KCNIP4: variants seen among roughly 807,000 people sequenced by gnomAD.
KCNIP4 encodes Kv channel-interacting protein 4.
Under a neutral mutation model 34.0 loss-of-function variants are expected in KCNIP4, and 12 were observed. That is an observed-to-expected ratio of 0.35 (90% CI 0.23 to 0.57). KCNIP4 has a LOEUF of 0.57. Among genes scored for constraint, KCNIP4 ranks in the 20% least tolerant of loss-of-function variants. The probability of loss-of-function intolerance (pLI) is 0.83; values close to 1 mark genes in which losing one functional copy is unlikely to be tolerated. For missense variants in KCNIP4, 238 were observed against 311.7 expected, an observed-to-expected ratio of 0.76 and a Z score of 1.78; for synonymous variants, 124 against 102.2, an observed-to-expected ratio of 1.21 and a Z score of -1.29.
At chr4:21,353,003 C>T (rs1181399064) in intron 1 of KCNIP4, among the ~76,000 whole-genome samples, 12 of 152,186 alleles carry the variant, frequency 7.9e-5, no homozygotes, top group Admixed American at 7.9e-4. Flanking sequence ...CCCAGGCAAA[C>T]AGGGTCTGAA....
intron 1 of KCNIP4, among the ~76,000 whole-genome samples, chr4:21,577,386 T>G (rs1740825878): frequency 6.6e-6 from 1 of 152,074 alleles, no homozygotes; most frequent in African/African-American, 2.4e-5. Flanking sequence ...TCCCAGCACT[T>G]TTGGAGGCTG....
chr4:20,979,844 T>C (rs181388447), intron 1 of KCNIP4, among the ~76,000 whole-genome samples: 6 of 152,334 alleles, frequency 3.9e-5, no homozygotes, highest in African/African-American at 1.4e-4. Flanking sequence ...TGTGCACTTC[T>C]AGTGTTGAAC....
intron 1 of KCNIP4, among the ~76,000 whole-genome samples, chr4:21,301,053 G>A (rs1423605082): frequency 6.6e-6 from 1 of 151,890 alleles, no homozygotes; most frequent in Non-Finnish European, 1.5e-5. Flanking sequence ...GTAACTCTTG[G>A]GTTATAAACA....
intron 1 of KCNIP4, among the ~76,000 whole-genome samples, chr4:21,946,718 T>C (rs1730531430): frequency 6.6e-6 from 1 of 152,196 alleles, no homozygotes; most frequent in Non-Finnish European, 1.5e-5. Flanking sequence ...GTGAATACAA[T>C]TCAAGAAACA....
At chr4:20,877,319 A>G (rs1445631580) in intron 2 of KCNIP4, among the ~76,000 whole-genome samples, 2 of 152,220 alleles carry the variant, frequency 1.3e-5, no homozygotes, top group Non-Finnish European at 2.9e-5. Flanking sequence ...AATGTTTCAT[A>G]GCCTTATTGG....
At chr4:20,929,888 A>G (rs1317234726) in intron 1 of KCNIP4, among the ~76,000 whole-genome samples, 1 of 152,044 alleles carries the variant, frequency 6.6e-6, no homozygotes, top group South Asian at 2.1e-4. Context: ...TATAAATAGA[A>G]TAATATTCTG....
chr4:21,170,631 G>T (rs1753957641), intron 1 of KCNIP4, among the ~76,000 whole-genome samples: 1 of 152,174 alleles, frequency 6.6e-6, no homozygotes, highest in African/African-American at 2.4e-5. Flanking sequence ...AGAGAAACCT[G>T]AATTGAATTA....
chr4:21,331,837 G>A (rs1382842326), intron 1 of KCNIP4, among the ~76,000 whole-genome samples: 1 of 151,818 alleles, frequency 6.6e-6, no homozygotes, highest in Non-Finnish European at 1.5e-5. Context: ...CTAGAATATG[G>A]GATGTTTCAT....
At chr4:21,142,502 G>T (rs950111513) in intron 1 of KCNIP4, among the ~76,000 whole-genome samples, 1 of 152,174 alleles carries the variant, frequency 6.6e-6, no homozygotes, top group Admixed American at 6.5e-5. Flanking sequence ...TGGGGGCTCT[G>T]TAGTGAAGAT....
intron 1 of KCNIP4, among the ~76,000 whole-genome samples, chr4:21,461,972 A>C (rs1035822910): frequency 6.6e-6 from 1 of 152,070 alleles, no homozygotes; most frequent in Non-Finnish European, 1.5e-5. Flanking sequence ...CAATATATGT[A>C]TATAATGCAT....
intron 1 of KCNIP4, among the ~76,000 whole-genome samples, chr4:21,869,179 C>T (rs1725611145): frequency 6.6e-6 from 1 of 152,032 alleles, no homozygotes; most frequent in Non-Finnish European, 1.5e-5. Flanking sequence ...GGGGAGGGAG[C>T]CTCGATTTTC....
At chr4:21,401,285 A>C (rs1723535812) in intron 1 of KCNIP4, among the ~76,000 whole-genome samples, 2 of 152,230 alleles carry the variant, frequency 1.3e-5, no homozygotes, top group Admixed American at 1.3e-4. Context: ...ATTCTCCATC[A>C]GTCTAGAATA....
intron 2 of KCNIP4, among the ~76,000 whole-genome samples, chr4:20,866,887 G>A (rs1192922857): frequency 1.3e-5 from 2 of 151,924 alleles, no homozygotes; most frequent in East Asian, 1.9e-4. Context: ...AAGTGAAATC[G>A]AGAACACAGT....
chr4:21,534,325 G>A (rs1423576919), intron 1 of KCNIP4, among the ~76,000 whole-genome samples: 1 of 152,098 alleles, frequency 6.6e-6, no homozygotes, highest in Non-Finnish European at 1.5e-5. Context: ...GTAATATCTT[G>A]TTCTTTAAAT....
chr4:21,682,855 T>C (rs1195477867), intron 1 of KCNIP4, among the ~76,000 whole-genome samples: 1 of 152,176 alleles, frequency 6.6e-6, no homozygotes, highest in African/African-American at 2.4e-5. Context: ...CATATAGGTA[T>C]GGTTGGTGGC....
intron 1 of KCNIP4, among the ~76,000 whole-genome samples, chr4:21,580,394 G>A (rs73252264): frequency 0.065 from 9,930 of 152,100 alleles, 476 homozygotes; most frequent in African/African-American, 0.13. Flanking sequence ...TTGTTTTAAA[G>A]CCAGCCTTCT....
chr4:21,031,127 A>G (rs573293064), intron 1 of KCNIP4, among the ~76,000 whole-genome samples: 10 of 152,304 alleles, frequency 6.6e-5, no homozygotes, highest in African/African-American at 2.4e-4. Context: ...TCCCATGACT[A>G]TACAACCTTC....
At chr4:21,676,543 A>C (rs1438309995) in intron 1 of KCNIP4, among the ~76,000 whole-genome samples, 1 of 152,214 alleles carries the variant, frequency 6.6e-6, no homozygotes, top group East Asian at 1.9e-4. Flanking sequence ...CAAAATGGTT[A>C]TTCCTTAAAG....
chr4:21,159,402 C>A lies in KCNIP4; in HGVS notation c.62-276693G>T, dbSNP rs1021286839. ...AAAGATATGTTTGAGGGGGAGGAGC[C>A]AAGATGGCCGAATAGGAACAGCTCC... On this transcript the variant is annotated intron_variant, in intron 1 of 8. Coordinates refer to ENST00000382152, the MANE Select transcript of KCNIP4 (RefSeq NM_025221.6). Among the ~76,000 whole-genome samples, 8 of 18,982 alleles carry A rather than the reference C, an allele frequency of 4.2e-4. 3 individuals carry two copies. Among genetic ancestry groups the A allele is most frequent in the Admixed American group, 6.7e-4 (2 of 2,976 alleles). 12.5% of individuals were successfully genotyped at this position (18,982 alleles called of 152,430 possible).
Sources: gnomAD v4.1 joint callset for allele counts (sites outside exome capture counted in the v4.1 genomes callset) on GRCh38, gnomAD v4.1.1 for gene constraint, MANE v1.5 for transcripts, NCBI Gene and HGNC (gene_info 2026-07-23, HGNC 2026-07-21) for gene names.